Variants in KNTC1 observed in about 807,000 individuals in gnomAD.
KNTC1 encodes the protein kinetochore associated 1.
A neutral mutation model predicts 314.4 loss-of-function variants in KNTC1; 253 were observed. That is an observed-to-expected ratio of 0.80 (90% confidence interval 0.73 to 0.89). The LOEUF (loss-of-function observed/expected upper bound fraction) is 0.89, where lower values mean the gene tolerates loss of function less well. Among genes scored for constraint, KNTC1 ranks in the 40% least tolerant of loss-of-function variants. KNTC1 has a pLI of 0.00. For synonymous variants in KNTC1, 901 were observed against 901.4 expected (o/e 1.00, Z 0.01); for missense variants, 2,475 against 2,572.9 (o/e 0.96, Z 0.82).
Position 122,543,651 on chromosome 12 carries a change from A to G in KNTC1, c.558+17A>G. 2 of 1,487,892 alleles carry G rather than the reference A, an allele frequency of 1.3e-6. No homozygotes were observed. The highest frequency in any genetic ancestry group is 2.5e-5 in the South Asian group (2 of 78,644). 92.2% of individuals were successfully genotyped at this position (1,487,892 alleles called of 1,614,324 possible). ...GCAAAAAAGGTAAGAAAATAAATCC[A>G]TATTGTCCTCTTAAAAAAATTACAT... On this transcript the variant is annotated intron_variant, in intron 7 of 63. Coordinates refer to ENST00000333479, the MANE Select transcript of KNTC1 (RefSeq NM_014708.6).
intron 8 of KNTC1, among the ~76,000 whole-genome samples, chr12:122,545,863 A>T (rs559343221): frequency 9.2e-5 from 14 of 151,942 alleles, no homozygotes; most frequent in African/African-American, 2.7e-4. Context: ...AGGTGGGAGG[A>T]TCGCTTGAGC....
chr12:122,590,583 TC>T, intron 40 of KNTC1, 23 bp from the exon 41 acceptor site: 1 of 1,583,764 alleles, frequency 6.3e-7, no homozygotes, highest in Non-Finnish European at 8.6e-7. Context: ...AGAATTTGCT[TC>T]TTTTGCTGGT....
At chr12:122,580,079 G>T in intron 32 of KNTC1, 102 bp downstream of exon 32, 3 of 723,902 alleles carry the variant, frequency 4.1e-6, no homozygotes, top group South Asian at 1.8e-5. Flanking sequence ...CAGTTTTTCT[G>T]GTTCTGATTG....
intron 50 of KNTC1, 58 bp downstream of exon 50, chr12:122,605,145 T>A: frequency 7.0e-7 from 1 of 1,431,000 alleles, no homozygotes; most frequent in African/African-American, 1.4e-5. Flanking sequence ...GATTCTCAGT[T>A]TTATGTATAT....
chr12:122,543,469 G>A, intron 6 of KNTC1, 131 bp from the exon 7 acceptor site: 1 of 681,290 alleles, frequency 1.5e-6, no homozygotes, highest in East Asian at 3.0e-5. Flanking sequence ...TTTGGTCAGG[G>A]GCAAAACTTA....
chr12:122,604,740 A>G (rs1872388972), intron 49 of KNTC1, 103 bp downstream of exon 49: 1 of 1,220,322 alleles, frequency 8.2e-7, no homozygotes, highest in African/African-American at 1.5e-5. Flanking sequence ...ATGGAGAAGG[A>G]AGACCAAGGC....
Position 122,572,158 on chromosome 12 carries a change from G to A in KNTC1, c.2020-779G>A, listed in dbSNP as rs531835313. On this transcript the variant is annotated intron_variant, in intron 24 of 63. Transcript: ENST00000333479. ...TGTAATCCCAGCACTTTGGGAGGCC[G>A]AGATGGGCAGATCATTTGAGGTCAA... 3.3e-5 allele frequency among the ~76,000 whole-genome samples: 5 copies of A among 152,234 alleles called. No homozygotes were observed. In the East Asian group the frequency reaches 7.8e-4, roughly 24 times the overall value.
At chr12:122,610,711 ATC>A in intron 52 of KNTC1, 109 bp from the exon 53 acceptor site, 1 of 673,252 alleles carries the variant, frequency 1.5e-6, no homozygotes, top group Non-Finnish European at 2.6e-6. Flanking sequence ...TATCCTTCTG[ATC>A]TGCCTTTGAG....
rs571039334 is a variant in KNTC1, at chr12:122,601,643, A to G, written c.4653+18A>G. The G allele has an allele frequency of 1.4e-4, 199 of 1,461,758 alleles. No individual in the cohort carries two copies. Among genetic ancestry groups the G allele is most frequent in the Non-Finnish European group, 1.7e-4 (190 of 1,107,066 alleles). 90.5% of individuals were successfully genotyped at this position (1,461,758 alleles called of 1,614,324 possible). On this transcript the variant is annotated intron_variant, in intron 45 of 63. Coordinates refer to ENST00000333479, the MANE Select transcript of KNTC1 (RefSeq NM_014708.6). ...TTAATCAGGTATAACAAATATATCA[A>G]AGATGTAAAAATCATCTTTCTGCTT...
At chr12:122,585,582 A>C (rs1027267975) in intron 36 of KNTC1, 54 bp from the exon 37 acceptor site, 38 of 1,581,804 alleles carry the variant, frequency 2.4e-5, no homozygotes, top group Non-Finnish European at 2.9e-5. Flanking sequence ...CAGAAGAAAC[A>C]ATGTGTTGTG....
chr12:122,613,659 ATTTGAGAC>A lies in KNTC1; in HGVS notation c.5781_5788del (p.Thr1928TyrfsTer6). On this transcript the variant is annotated frameshift_variant, in exon 55 of 64. Transcript: ENST00000333479. LOFTEE classifies it high-confidence loss of function. ...TGAGATGTATAACTTTTCTGGCATC[ATTTGAGAC>A]TTTGAATATCCCCATCACATATGAA... 1.2e-6 allele frequency: 2 copies of A among 1,612,236 alleles called. No individual in the cohort carries two copies. The highest frequency in any genetic ancestry group is 1.7e-6 in the Non-Finnish European group (2 of 1,179,294).
In KNTC1 at chr12:122,582,791, C is replaced by T. The variant is rs773196505; in HGVS notation, c.3069C>T (p.His1023=). The change falls in exon 34 of 64, where the codon CAC becomes CAT. Residue 1023 remains histidine (H), a synonymous_variant. Transcript: ENST00000333479. The part of the protein sequence containing the change: ...ADLREQHIKA[H]EVAQAKHKPG... ...TCCGTGAGCAGCACATTAAAGCTCA[C>T]GAAGTTGCACAGGCGAAACACAAAC... 8.1e-6 allele frequency: 13 copies of T among 1,612,560 alleles called. No individual in the cohort carries two copies. Among genetic ancestry groups the T allele is most frequent in the South Asian group, 2.2e-5 (2 of 90,878 alleles).
chr12:122,537,029 G>A (rs1331472607), intron 3 of KNTC1, among the ~76,000 whole-genome samples: 1 of 152,182 alleles, frequency 6.6e-6, no homozygotes, highest in African/African-American at 2.4e-5. Flanking sequence ...GATGAGTAAC[G>A]ATGATCCATT....
rs528269892 is a variant in KNTC1 at position 122,582,374 on chromosome 12, A to G, written c.2983-331A>G. On this transcript the variant is annotated intron_variant, in intron 33 of 63. Transcript: ENST00000333479. Reference sequence around the variant, plus strand: ...TGGAGGCTGCAGGAGCTGTGTTTATACCACTGCACTCCAGCCTGGGCAACA... The same window carrying G: ...TGGAGGCTGCAGGAGCTGTGTTTATGCCACTGCACTCCAGCCTGGGCAACA... Among the ~76,000 whole-genome samples the G allele has an allele frequency of 2.6e-5, 4 of 152,218 alleles. No homozygotes were observed. The South Asian group carries it at 8.3e-4, about 32-fold the overall frequency.
At position 122,571,116 on chromosome 12, in the gene KNTC1, G is replaced by A. The variant is rs774436499; in HGVS notation, c.2009G>A (p.Trp670Ter). 1.2e-6 allele frequency: 2 copies of A among 1,611,502 alleles called. No individual in the cohort carries two copies. The highest frequency in any genetic ancestry group is 2.2e-5 in the South Asian group (2 of 91,016). ...DELGLASSWHWISLKDYQNTE... is the reference protein window; with the variant it reads ...DELGLASSWH ...TTGGGATTGGCATCTTCCTGGCATT[G>A]GATTTCCTTGGTATGATGTGAGAAT... Residue 670 changes from tryptophan (W) to a stop codon, truncating the protein, a stop_gained, in exon 24 of 64, where the codon TGG becomes TAG. Transcript: ENST00000333479. LOFTEE classifies it high-confidence loss of function.
intron 48 of KNTC1, 58 bp from the exon 49 acceptor site, chr12:122,604,506 T>A: frequency 9.8e-7 from 1 of 1,023,690 alleles, no homozygotes; most frequent in Admixed American, 2.5e-5. Context: ...TACATTTTCT[T>A]GAAAAGATTA....
chr12:122,579,400 C>T (rs1008182838), intron 31 of KNTC1, among the ~76,000 whole-genome samples: 2 of 152,040 alleles, frequency 1.3e-5, no homozygotes, highest in African/African-American at 4.8e-5. Context: ...TTGAATTGCT[C>T]CCGTTATGAA....
At chr12:122,588,247 T>C (rs1016644784) in intron 39 of KNTC1, among the ~76,000 whole-genome samples, 7 of 152,224 alleles carry the variant, frequency 4.6e-5, no homozygotes, top group African/African-American at 1.7e-4. Flanking sequence ...TTTGTTTTGT[T>C]ATCACCTAAA....
At chr12:122,594,458 A>G (rs1230416403) in intron 43 of KNTC1, 73 bp downstream of exon 43, 10 of 862,604 alleles carry the variant, frequency 1.2e-5, no homozygotes, top group Non-Finnish European at 1.3e-5. Context: ...CACAGTAATA[A>G]CGATGATTAT....
Sources: gnomAD v4.1 joint callset for allele counts (sites outside exome capture counted in the v4.1 genomes callset) on GRCh38, gnomAD v4.1.1 for gene constraint, MANE v1.5 for transcripts, NCBI Gene and HGNC (gene_info 2026-07-23, HGNC 2026-07-21) for gene names.